PLPPR1: variants seen among roughly 807,000 people sequenced by gnomAD.
The protein encoded by PLPPR1 is phospholipid phosphatase related 1.
Under a neutral mutation model 33.1 loss-of-function variants are expected in PLPPR1, and 10 were observed. The ratio of observed to expected loss-of-function variants is 0.30; its 90% CI spans 0.19 to 0.51. The LOEUF (loss-of-function observed/expected upper bound fraction) is 0.51, where lower values mean the gene tolerates loss of function less well. Ranked by LOEUF, PLPPR1 falls within the 20% of genes least tolerant of loss-of-function variation. The pLI, the probability that PLPPR1 is intolerant of heterozygous loss-of-function variation, is 0.97. For missense variants in PLPPR1, 304 were observed against 408.1 expected (o/e 0.74, Z 2.20); for synonymous variants, 151 against 151.0 (o/e 1.00, Z 0.00).
chr9:101,297,853 C>A (rs1003940038), intron 4 of PLPPR1, among the ~76,000 whole-genome samples: 1 of 152,132 alleles, frequency 6.6e-6, no homozygotes, highest in Non-Finnish European at 1.5e-5. Context: ...GTAGTAACAG[C>A]AACACAGATT....
chr9:101,036,321 G>C (rs1170638280), intron 1 of PLPPR1, among the ~76,000 whole-genome samples: 1 of 152,060 alleles, frequency 6.6e-6, no homozygotes, highest in East Asian at 1.9e-4. Flanking sequence ...CTGCTAATAA[G>C]CATTTCATGA....
chr9:101,283,429 A>C (rs566468525), intron 3 of PLPPR1, among the ~76,000 whole-genome samples: 1 of 152,378 alleles, frequency 6.6e-6, no homozygotes, highest in South Asian at 2.1e-4. Flanking sequence ...GTCCATTAAT[A>C]AATTGTGTTA....
At chr9:101,294,884 A>C (rs1828591953) in intron 4 of PLPPR1, among the ~76,000 whole-genome samples, 1 of 152,190 alleles carries the variant, frequency 6.6e-6, no homozygotes, top group South Asian at 2.1e-4. Flanking sequence ...CCCTTTGAAA[A>C]CTGGCACAAG....
intron 2 of PLPPR1, among the ~76,000 whole-genome samples, chr9:101,234,667 C>T (rs1454197956): frequency 6.6e-6 from 1 of 151,890 alleles, no homozygotes; most frequent in Non-Finnish European, 1.5e-5. Context: ...TCCAGGAGTT[C>T]AGAATATGGC....
At position 101,239,402 on chromosome 9, in the gene PLPPR1, T is replaced by C. The variant is rs545777486; in HGVS notation, c.64-30478T>C. On this transcript the variant is annotated intron_variant, in intron 2 of 7. Coordinates refer to ENST00000374874, the MANE Select transcript of PLPPR1 (RefSeq NM_207299.2). ...GAGGGAGGTAAGGGTAGAAAGACTG[T>C]TGGGTACTCTGCCTAGTAATGGGTG... Among the ~76,000 whole-genome samples, 98 of 152,020 alleles carry C rather than the reference T, an allele frequency of 6.4e-4. 1 individual carries two copies. The highest frequency in any genetic ancestry group is 2.2e-3 in the African/African-American group (92 of 41,514).
chr9:101,101,369 G>A (rs1021683891), intron 1 of PLPPR1, among the ~76,000 whole-genome samples: 2 of 151,866 alleles, frequency 1.3e-5, no homozygotes, highest in African/African-American at 4.8e-5. Flanking sequence ...AGGAAATGTG[G>A]TCCTGTCCTG....
At chr9:101,307,539 G>A (rs1588120693) in intron 4 of PLPPR1, among the ~76,000 whole-genome samples, 1 of 152,142 alleles carries the variant, frequency 6.6e-6, no homozygotes, top group East Asian at 1.9e-4. Context: ...TGCTCTCAGA[G>A]GTCAGACCCA....
At chr9:101,256,408 A>G (rs1288159665) in intron 2 of PLPPR1, among the ~76,000 whole-genome samples, 1 of 152,110 alleles carries the variant, frequency 6.6e-6, no homozygotes, top group East Asian at 1.9e-4. Context: ...AGTGATGCTG[A>G]GCCTGACTGC....
chr9:101,245,735 T>G (rs1005629678), intron 2 of PLPPR1, among the ~76,000 whole-genome samples: 4 of 151,904 alleles, frequency 2.6e-5, no homozygotes, highest in African/African-American at 9.7e-5. Flanking sequence ...TTCCCTCATC[T>G]GTAACTGGAA....
chr9:101,113,961 C>T (rs1831088897), intron 1 of PLPPR1, among the ~76,000 whole-genome samples: 1 of 151,964 alleles, frequency 6.6e-6, no homozygotes, highest in African/African-American at 2.4e-5. Flanking sequence ...AAGGGGACTT[C>T]TTAGGAGATG....
At chr9:101,238,200 C>CTA (rs911322842) in intron 2 of PLPPR1, among the ~76,000 whole-genome samples, 9 of 134,322 alleles carry the variant, frequency 6.7e-5, no homozygotes, top group African/African-American at 1.9e-4. Flanking sequence ...TATATATACC[C>CTA]TATATATATA....
intron 1 of PLPPR1, among the ~76,000 whole-genome samples, chr9:101,061,512 A>G (rs1310042760): frequency 6.6e-6 from 1 of 151,974 alleles, no homozygotes; most frequent in African/African-American, 2.4e-5. Context: ...GTCACATTTT[A>G]AACAACTGAA....
intron 1 of PLPPR1, among the ~76,000 whole-genome samples, chr9:101,165,949 G>C (rs1825848976): frequency 6.6e-6 from 1 of 152,202 alleles, no homozygotes. Context: ...GATCATAGGA[G>C]TCTTCGGCCA....
At chr9:101,219,625 A>T (rs918939739) in intron 2 of PLPPR1, among the ~76,000 whole-genome samples, 9 of 152,208 alleles carry the variant, frequency 5.9e-5, no homozygotes, top group African/African-American at 2.2e-4. Flanking sequence ...TGTGGTATCA[A>T]ATTCTCAACA....
At chr9:101,170,864 A>G (rs1181158090) in intron 1 of PLPPR1, among the ~76,000 whole-genome samples, 2 of 152,116 alleles carry the variant, frequency 1.3e-5, no homozygotes, top group African/African-American at 4.8e-5. Context: ...GACTTGAACC[A>G]GGAAGGTCAA....
At chr9:101,132,296 G>A (rs1831322808) in intron 1 of PLPPR1, among the ~76,000 whole-genome samples, 1 of 152,128 alleles carries the variant, frequency 6.6e-6, no homozygotes, top group Non-Finnish European at 1.5e-5. Context: ...CTGTAGGAAA[G>A]TGAAGAAAAC....
chr9:101,304,995 AAAGGT>A (rs900950453), intron 4 of PLPPR1, among the ~76,000 whole-genome samples: 53 of 152,058 alleles, frequency 3.5e-4, no homozygotes, highest in African/African-American at 1.3e-3. Context: ...TAGGAAAAAA[AAAGGT>A]AAGAGAGGAG....
intron 1 of PLPPR1, among the ~76,000 whole-genome samples, chr9:101,109,999 G>C (rs1356790495): frequency 3.3e-5 from 5 of 152,114 alleles, no homozygotes; most frequent in African/African-American, 4.8e-5. Flanking sequence ...AAGTATCCCA[G>C]ACATGTAAAC....
At chr9:101,164,606 G>T (rs1017933102) in intron 1 of PLPPR1, among the ~76,000 whole-genome samples, 1 of 152,116 alleles carries the variant, frequency 6.6e-6, no homozygotes, top group African/African-American at 2.4e-5. Flanking sequence ...GGCCTCAAGT[G>T]ATCTACCTGC....
Sources: gnomAD v4.1 joint callset for allele counts (sites outside exome capture counted in the v4.1 genomes callset) on GRCh38, gnomAD v4.1.1 for gene constraint, MANE v1.5 for transcripts, NCBI Gene and HGNC (gene_info 2026-07-23, HGNC 2026-07-21) for gene names.